The following TTC28 variants were observed in gnomAD, a reference collection of about 807,000 sequenced individuals.
The protein encoded by TTC28 is tetratricopeptide repeat protein 28.
TTC28 carries 61 observed loss-of-function variants against 198.0 expected under a neutral mutation model. That is an observed-to-expected ratio of 0.31 (90% CI 0.25 to 0.38). The LOEUF (loss-of-function observed/expected upper bound fraction) is 0.38. Among genes scored for constraint, TTC28 ranks in the 10% least tolerant of loss-of-function variants. The pLI is 1.00. For missense variants in TTC28, 2,678 were observed against 3,164.0 expected, an observed-to-expected ratio of 0.85 and a Z score of 3.69; for synonymous variants, 1,171 against 1,297.8, an observed-to-expected ratio of 0.90 and a Z score of 2.10.
intron 2 of TTC28, among the ~76,000 whole-genome samples, chr22:28,508,199 A>G (rs1601485880): frequency 6.6e-6 from 1 of 152,210 alleles, no homozygotes; most frequent in African/African-American, 2.4e-5. Flanking sequence ...AAAGAGATGG[A>G]GGAAAATTTA....
At chr22:27,984,820 G>C (rs1452859495) in intron 22 of TTC28, among the ~76,000 whole-genome samples, 1 of 152,180 alleles carries the variant, frequency 6.6e-6, no homozygotes, top group Non-Finnish European at 1.5e-5. Flanking sequence ...CACCTTCCAA[G>C]CCAGCATTTG....
At chr22:28,628,028 C>A (rs1443896863) in intron 2 of TTC28, among the ~76,000 whole-genome samples, 1 of 152,124 alleles carries the variant, frequency 6.6e-6, no homozygotes. Context: ...ACCTCAGCCT[C>A]CCAAGTAGCT....
At chr22:28,469,523 C>A (rs997824836) in intron 2 of TTC28, among the ~76,000 whole-genome samples, 9 of 151,972 alleles carry the variant, frequency 5.9e-5, no homozygotes, top group Admixed American at 6.6e-5. Flanking sequence ...CAGCTAAGCC[C>A]TAAATATAAT....
chr22:28,394,911 A>AGCAC (rs1208131137), intron 2 of TTC28, among the ~76,000 whole-genome samples: 2 of 152,132 alleles, frequency 1.3e-5, no homozygotes, highest in Non-Finnish European at 2.9e-5. Context: ...CACACATAGT[A>AGCAC]ATACTATGAC....
chr22:28,290,095 T>C (rs1200872590), intron 5 of TTC28, among the ~76,000 whole-genome samples: 1 of 152,180 alleles, frequency 6.6e-6, no homozygotes, highest in African/African-American at 2.4e-5. Context: ...ACTTTCAGGC[T>C]GCTATCTAGC....
chr22:27,990,208 G>T, intron 20 of TTC28: 1 of 670,532 alleles, frequency 1.5e-6, no homozygotes, highest in East Asian at 3.3e-5. Context: ...TGGGGCATTG[G>T]GGCAAGAGGC....
Position 28,549,091 on chromosome 22 carries a change from G to A in TTC28, c.381+80461C>T, listed in dbSNP as rs563486151. The stretch of plus-strand genomic sequence containing the variant: ...CACCCAGGCTGGAGTGCAGTGGCAC[G>A]ATCTCAGCTCACTGCAGCCTCTGCC... On this transcript the variant is annotated intron_variant, in intron 2 of 22. Coordinates refer to ENST00000397906, the MANE Select transcript of TTC28 (RefSeq NM_001145418.2). Among the ~76,000 whole-genome samples, 15 of 151,678 alleles carry A rather than the reference G, an allele frequency of 9.9e-5. No homozygotes were observed. The South Asian group carries it at 1.0e-3, about 11-fold the overall frequency.
intron 12 of TTC28, among the ~76,000 whole-genome samples, chr22:28,044,403 T>G (rs1939780210): frequency 6.6e-6 from 1 of 152,178 alleles, no homozygotes; most frequent in Non-Finnish European, 1.5e-5. Context: ...GCTAAACTGA[T>G]AAAAGTCCTC....
At chr22:28,337,818 T>C (rs1186610412) in intron 2 of TTC28, among the ~76,000 whole-genome samples, 4 of 152,226 alleles carry the variant, frequency 2.6e-5, no homozygotes, top group African/African-American at 4.8e-5. Context: ...TGTCTTTTAA[T>C]TGGAGCATTT....
At chr22:28,262,401 T>C (rs765422327) in intron 5 of TTC28, among the ~76,000 whole-genome samples, 74 of 152,156 alleles carry the variant, frequency 4.9e-4, no homozygotes, top group Non-Finnish European at 1.5e-4. Context: ...TCTAGAAAAA[T>C]AGTTTTCCAT....
chr22:28,383,467 G>A (rs1021214611), intron 2 of TTC28, among the ~76,000 whole-genome samples: 1 of 152,106 alleles, frequency 6.6e-6, no homozygotes. Flanking sequence ...AATTACAAAT[G>A]TACACTCAAA....
intron 12 of TTC28, among the ~76,000 whole-genome samples, chr22:28,047,444 T>C (rs536026934): frequency 3.3e-5 from 5 of 152,190 alleles, no homozygotes; most frequent in South Asian, 2.1e-4. Context: ...GGAGAGGCCA[T>C]AGAAGGTGCA....
chr22:28,370,467 C>A (rs914104107), intron 2 of TTC28, among the ~76,000 whole-genome samples: 3 of 152,158 alleles, frequency 2.0e-5, no homozygotes, highest in African/African-American at 4.8e-5. Flanking sequence ...TGACATAATA[C>A]CCATTTTGAT....
chr22:28,065,421 T>C (rs1270536907), intron 12 of TTC28, among the ~76,000 whole-genome samples: 2 of 152,232 alleles, frequency 1.3e-5, no homozygotes, highest in Admixed American at 1.3e-4. Context: ...GCTGACATTC[T>C]TTCCAGACTG....
chr22:28,525,497 T>C (rs2048989574), intron 2 of TTC28, among the ~76,000 whole-genome samples: 1 of 152,212 alleles, frequency 6.6e-6, no homozygotes, highest in South Asian at 2.1e-4. Context: ...GTACAAATCT[T>C]TCAGGCAGAA....
chr22:28,479,764 C>A (rs987805014), intron 2 of TTC28, among the ~76,000 whole-genome samples: 8 of 152,136 alleles, frequency 5.3e-5, no homozygotes, highest in African/African-American at 1.9e-4. Flanking sequence ...CTACCCCTAA[C>A]TCCACACCCT....
chr22:28,001,444 T>C lies in TTC28; in HGVS notation c.4328A>G (p.Asn1443Ser). The C allele has an allele frequency of 6.4e-7, 1 of 1,551,622 alleles. No homozygotes were observed. Among genetic ancestry groups the C allele is most frequent in the Non-Finnish European group, 8.7e-7 (1 of 1,146,984 alleles). The change falls in exon 15 of 23, where the codon AAT becomes AGT. Residue 1443 changes from asparagine (N) to serine (S), a missense_variant. By Grantham distance (46) the Asn-to-Ser change is conservative. This residue lies in a region of TTC28 where 727 missense variants were observed against 861.9 expected (regional missense o/e 0.84). Coordinates refer to ENST00000397906, the MANE Select transcript of TTC28 (RefSeq NM_001145418.2). ...GCCGAAGCGCTCGTAGAGGTACTCA[T>C]TGGAGGAGCTTCCCTTCAGGAGGGC... ...PFALLKGSSS[N>S]EYLYERFGLL...
At chr22:28,318,624 T>G (rs192660250) in intron 2 of TTC28, among the ~76,000 whole-genome samples, 33 of 152,302 alleles carry the variant, frequency 2.2e-4, no homozygotes, top group Middle Eastern at 3.4e-3. Context: ...TGTTCCACCT[T>G]GCTTAGAACT....
intron 2 of TTC28, among the ~76,000 whole-genome samples, chr22:28,375,799 A>C (rs183366656): frequency 3.9e-5 from 6 of 152,264 alleles, no homozygotes; most frequent in Admixed American, 3.9e-4. Context: ...AGAACTGGAG[A>C]GAACAAAAAG....
Sources: gnomAD v4.1 joint callset for allele counts (sites outside exome capture counted in the v4.1 genomes callset) on GRCh38, gnomAD v4.1.1 for gene constraint, gnomAD v4.1.1 regional missense constraint, MANE v1.5 for transcripts, NCBI Gene and HGNC (gene_info 2026-07-23, HGNC 2026-07-21) for gene names.